LTF: variants seen among roughly 807,000 people sequenced by gnomAD.
LTF encodes lactotransferrin, also known as epididymis luminal protein 110.
LTF carries 91 observed loss-of-function variants against 87.2 expected under a neutral mutation model. The ratio of observed to expected loss-of-function variants is 1.04; its 90% CI spans 0.88 to 1.24. The LOEUF (loss-of-function observed/expected upper bound fraction) is 1.24, where lower values mean the gene tolerates loss of function less well. Among genes scored for constraint, LTF ranks in the 50% most tolerant of loss-of-function variants. LTF has a pLI of 0.00. For synonymous variants in LTF, 378 were observed against 356.1 expected (o/e 1.06, Z -0.69); for missense variants, 901 against 904.3 (o/e 1.00, Z 0.05).
chr3:46,437,345 G>C (rs1020963962), intron 16 of LTF, among the ~76,000 whole-genome samples: 4 of 135,392 alleles, frequency 3.0e-5, no homozygotes, highest in African/African-American at 1.1e-4. Flanking sequence ...TTTTGAGGAA[G>C]GGTCTTTCGG....
At chr3:46,471,937 C>G (rs1466846020) in intron 1 of LTF, among the ~76,000 whole-genome samples, 1 of 152,208 alleles carries the variant, frequency 6.6e-6, no homozygotes, top group African/African-American at 2.4e-5. Context: ...ACACGCACCA[C>G]TTTAAGGCCG....
At chr3:46,449,776 C>T (rs761893893) in intron 8 of LTF, 78 bp downstream of exon 8, 77 of 1,489,682 alleles carry the variant, frequency 5.2e-5, no homozygotes, top group Middle Eastern at 2.3e-4. Flanking sequence ...AAGGAGTGAC[C>T]GCCACAAAGT....
At chr3:46,477,964 G>A (rs1703382602) in intron 1 of LTF, among the ~76,000 whole-genome samples, 2 of 152,212 alleles carry the variant, frequency 1.3e-5, no homozygotes, top group South Asian at 4.2e-4. Flanking sequence ...GGCCGAGCGG[G>A]AGCCACTTTC....
chr3:46,482,663 G>GAAA (rs1559614838), intron 1 of LTF, among the ~76,000 whole-genome samples: 1,387 of 26,662 alleles, frequency 0.052, 33 homozygotes, highest in Admixed American at 0.055. Context: ...AAAGAAAGAA[G>GAAA]GAAGGAAGGA....
At chr3:46,475,079 C>A (rs1703341983) in intron 1 of LTF, among the ~76,000 whole-genome samples, 1 of 151,988 alleles carries the variant, frequency 6.6e-6, no homozygotes, top group African/African-American at 2.4e-5. Flanking sequence ...CTAAAGCAAG[C>A]AAAAGAAAGA....
At chr3:46,446,978 C>T (rs1410114459) in intron 10 of LTF, among the ~76,000 whole-genome samples, 1 of 152,164 alleles carries the variant, frequency 6.6e-6, no homozygotes, top group Admixed American at 6.5e-5. Flanking sequence ...CTGAAACTTG[C>T]AGTGTTTGTT....
At chr3:46,458,404 G>A (rs1017633161) in intron 2 of LTF, among the ~76,000 whole-genome samples, 6 of 152,092 alleles carry the variant, frequency 3.9e-5, no homozygotes, top group Non-Finnish European at 2.9e-5. Context: ...CTTATTTTCC[G>A]AGATCAGACG....
rs112931478 is a variant in LTF, at chr3:46,454,336, G to T, written c.672C>A (p.Asp224Glu). 1.9e-6 allele frequency: 3 copies of T among 1,613,990 alleles called. No individual in the cohort carries two copies. The highest frequency in any genetic ancestry group is 2.5e-6 in the Non-Finnish European group (3 of 1,180,012). Residue 224 changes from aspartate (D) to glutamate (E), a missense_variant, in exon 6 of 17, where the codon GAC becomes GAA. Transcript: ENST00000231751. ...AFKCLRDGAG[D>E]VAFIRESTVF... ...CTGTGCTCTCTCTGATAAAAGCCAC[G>T]TCTCCAGCCCCGTCTCTCAGACACC...
chr3:46,461,766 A>AT (rs35220256), intron 1 of LTF, among the ~76,000 whole-genome samples: 70,121 of 151,972 alleles, frequency 0.46, 18,554 homozygotes, highest in African/African-American at 0.73. Context: ...CAAATAGGTG[A>AT]TTTTTTATGA....
intron 5 of LTF, 23 bp downstream of exon 5, chr3:46,455,272 G>C (rs761005864): frequency 6.2e-7 from 1 of 1,613,884 alleles, no homozygotes; most frequent in Non-Finnish European, 8.5e-7. Context: ...GGCCACTGAC[G>C]AGAAGGGGAC....
At chr3:46,450,264 G>A (rs754394355) in intron 7 of LTF, among the ~76,000 whole-genome samples, 1 of 151,966 alleles carries the variant, frequency 6.6e-6, no homozygotes, top group Non-Finnish European at 1.5e-5. Context: ...AGATTGCATC[G>A]ACCACCCCCT....
At chr3:46,479,247 AG>A (rs1703401570) in intron 1 of LTF, among the ~76,000 whole-genome samples, 1 of 151,970 alleles carries the variant, frequency 6.6e-6, no homozygotes, top group Non-Finnish European at 1.5e-5. Flanking sequence ...AAAACCCCAT[AG>A]CCCCCTCTCT....
At chr3:46,482,591 G>GGA (rs1703451860) in intron 1 of LTF, among the ~76,000 whole-genome samples, 4 of 94,168 alleles carry the variant, frequency 4.2e-5, no homozygotes, top group African/African-American at 1.3e-4. Context: ...AAGGGAGAAA[G>GGA]AGAGAGAAAG....
intron 2 of LTF, among the ~76,000 whole-genome samples, chr3:46,459,326 C>G (rs568434798): frequency 1.3e-5 from 2 of 152,324 alleles, no homozygotes; most frequent in African/African-American, 4.8e-5. Context: ...GGAGGATTTC[C>G]CTCTCTGAGT....
Position 46,454,352 on chromosome 3 carries a change from C to A in LTF, c.656G>T (p.Arg219Ile). ...FSYSGAFKCL[R>I]DGAGDVAFIR... ...AAAAGCCACGTCTCCAGCCCCGTCT[C>A]TCAGACACCTGTGAAAAGAGAAACC... is the stretch of plus-strand genomic sequence containing the variant. Residue 219 changes from arginine to isoleucine, a missense_variant, in exon 6 of 17, where the codon AGA (arginine) becomes ATA (isoleucine). Coordinates refer to ENST00000231751, the MANE Select transcript of LTF (RefSeq NM_002343.6). The A allele has an allele frequency of 6.2e-7, 1 of 1,614,170 alleles. No homozygotes were observed. Among genetic ancestry groups the A allele is most frequent in the East Asian group, 2.2e-5 (1 of 44,878 alleles).
At chr3:46,460,389 A>G (rs1023619239) in intron 1 of LTF, among the ~76,000 whole-genome samples, 2 of 152,212 alleles carry the variant, frequency 1.3e-5, no homozygotes, top group African/African-American at 4.8e-5. Flanking sequence ...AGTCAGTGTC[A>G]ATGGGGACAA....
chr3:46,444,622 G>C (rs776265779), intron 12 of LTF, among the ~76,000 whole-genome samples: 8 of 152,232 alleles, frequency 5.3e-5, no homozygotes, highest in Admixed American at 2.0e-4. Flanking sequence ...GCAGAGCCAC[G>C]TGAAAGCTGC....
At position 46,449,989 on chromosome 3, in the gene LTF, A is replaced by G; in HGVS notation, c.922T>C (p.Phe308Leu). 6.2e-7 allele frequency: 1 copy of G among 1,609,974 alleles called. No homozygotes were observed. The highest frequency in any genetic ancestry group is 8.5e-7 in the Non-Finnish European group (1 of 1,178,130). The change falls in exon 8 of 17, where the codon TTT (phenylalanine) becomes CTT (leucine). Residue 308 changes from phenylalanine to leucine, a missense_variant. By Grantham distance (22) the Phe-to-Leu change is conservative (BLOSUM62 0). Coordinates refer to ENST00000231751, the MANE Select transcript of LTF (RefSeq NM_002343.6). ...GKDKSPKFQL[F>L]GSPSGQKDLL... ...TCTTTCTGCCCACTAGGGGAGCCAA[A>G]GAGCTGGAATTTCGGTGACTTGTCC...
rs749960307 is a variant in LTF, at chr3:46,477,254, G to A, written c.-319-6788C>T. Among the ~76,000 whole-genome samples, 20 of 152,272 alleles carry A rather than the reference G, an allele frequency of 1.3e-4. 1 individual carries two copies. Among genetic ancestry groups the A allele is most frequent in the Middle Eastern group, 3.4e-3 (1 of 294 alleles). On this transcript the variant is annotated intron_variant, in intron 1 of 19. Coordinates refer to the LTF transcript ENST00000443496. ...TTTGGTAAGGCTTTTTCTCATTGGC[G>A]GATAGTTCTTTCAATATTCTTCAGA...
Sources: gnomAD v4.1 joint callset for allele counts (sites outside exome capture counted in the v4.1 genomes callset) on GRCh38, gnomAD v4.1.1 for gene constraint, MANE v1.5 for transcripts, NCBI Gene and HGNC (gene_info 2026-07-23, HGNC 2026-07-21) for gene names.